The following RAPGEF1 variants were observed in gnomAD, a reference collection of about 807,000 sequenced individuals.
The protein encoded by RAPGEF1 is CRK SH3-binding GNRP.
Under a neutral mutation model 143.3 loss-of-function variants are expected in RAPGEF1, and 33 were observed. The ratio of observed to expected loss-of-function variants is 0.23; its 90% CI spans 0.17 to 0.31. The LOEUF is 0.31. Ranked by LOEUF, RAPGEF1 falls within the 10% of genes least tolerant of loss-of-function variation. The pLI is 1.00. For synonymous variants in RAPGEF1, 629 were observed against 676.5 expected (o/e 0.93, Z 1.09); for missense variants, 1,199 against 1,645.4 (o/e 0.73, Z 4.69).
intron 1 of RAPGEF1, among the ~76,000 whole-genome samples, chr9:131,688,885 G>A (rs1363509607): frequency 1.3e-5 from 2 of 152,200 alleles, no homozygotes; most frequent in Admixed American, 6.5e-5. Flanking sequence ...GCCATAGAAC[G>A]AAACTTCGTC....
At chr9:131,638,381 C>T (rs1235862897) in intron 5 of RAPGEF1, among the ~76,000 whole-genome samples, 5 of 152,298 alleles carry the variant, frequency 3.3e-5, no homozygotes, top group South Asian at 2.1e-4. Context: ...TCAGCCAGCA[C>T]GATGCTACGA....
intron 1 of RAPGEF1, among the ~76,000 whole-genome samples, chr9:131,726,515 A>G (rs909418794): frequency 1.3e-5 from 2 of 152,006 alleles, no homozygotes; most frequent in African/African-American, 4.8e-5. Context: ...AATCCCAGCT[A>G]CTTGGGAGGC....
chr9:131,648,202 C>A (rs774931352), intron 3 of RAPGEF1, among the ~76,000 whole-genome samples: 5 of 152,134 alleles, frequency 3.3e-5, no homozygotes, highest in Non-Finnish European at 5.9e-5. Flanking sequence ...CCAGCCTGGC[C>A]AACATGGCAA....
intron 22 of RAPGEF1, among the ~76,000 whole-genome samples, chr9:131,586,912 C>T (rs1339116340): frequency 4.9e-5 from 4 of 81,500 alleles, no homozygotes; most frequent in Admixed American, 1.4e-4. Context: ...ACCTGCAGAG[C>T]GAGACTCCGT....
intron 1 of RAPGEF1, among the ~76,000 whole-genome samples, chr9:131,730,119 G>A (rs551376991): frequency 9.5e-4 from 141 of 148,518 alleles, no homozygotes; most frequent in Non-Finnish European, 1.8e-3. Flanking sequence ...GCGTGAACCC[G>A]GGAGGTGGAG....
At position 131,597,465 on chromosome 9, in the gene RAPGEF1, G is replaced by A. The variant is rs141809933; in HGVS notation, c.2613+734C>T. 8.5e-5 allele frequency among the ~76,000 whole-genome samples: 13 copies of A among 152,326 alleles called. No individual in the cohort carries two copies. In the East Asian group the frequency reaches 1.3e-3, roughly 16 times the overall value. On this transcript the variant is annotated intron_variant, in intron 16 of 26. Coordinates refer to ENST00000683357, the MANE Select transcript of RAPGEF1 (RefSeq NM_001377935.1). ...CCAGCGCATCCTTGCCTGGGAGTGCGCAAAGGGCAGTATCTGCCCTTTTGT... is the reference window on the plus strand; with the variant it reads ...CCAGCGCATCCTTGCCTGGGAGTGCACAAAGGGCAGTATCTGCCCTTTTGT...
chr9:131,592,547 C>T (rs1286495659), intron 17 of RAPGEF1, among the ~76,000 whole-genome samples: 1 of 152,140 alleles, frequency 6.6e-6, no homozygotes, highest in Non-Finnish European at 1.5e-5. Flanking sequence ...CGAGTGACGC[C>T]TGCCCTAGGC....
chr9:131,579,718 T>A, intron 26 of RAPGEF1, 71 bp from the exon 27 acceptor site: 1 of 1,532,574 alleles, frequency 6.5e-7, no homozygotes. Context: ...GCCACCCTCC[T>A]GGAAGGTGCC....
intron 25 of RAPGEF1, among the ~76,000 whole-genome samples, chr9:131,582,182 G>A (rs1247357150): frequency 2.0e-5 from 3 of 152,158 alleles, no homozygotes; most frequent in East Asian, 1.9e-4. Context: ...CTGGGTGGCC[G>A]TGCATCCTCA....
chr9:131,694,833 A>G (rs1217107634), intron 1 of RAPGEF1, among the ~76,000 whole-genome samples: 1 of 146,152 alleles, frequency 6.8e-6, no homozygotes, highest in Non-Finnish European at 1.5e-5. Context: ...GTTTTAGGGT[A>G]CATGTGCACA....
intron 1 of RAPGEF1, among the ~76,000 whole-genome samples, chr9:131,735,656 C>A (rs1240524609): frequency 6.6e-6 from 1 of 151,694 alleles, no homozygotes; most frequent in African/African-American, 2.4e-5. Flanking sequence ...TGAATCATTT[C>A]TCCGAGGAGG....
At chr9:131,624,782 T>C (rs1962429395) in intron 10 of RAPGEF1, among the ~76,000 whole-genome samples, 1 of 152,344 alleles carries the variant, frequency 6.6e-6, no homozygotes, top group South Asian at 2.1e-4. Context: ...TGGTTTCTGA[T>C]GAGCAAATAT....
At chr9:131,610,934 T>G (rs1957943173) in intron 12 of RAPGEF1, among the ~76,000 whole-genome samples, 1 of 152,226 alleles carries the variant, frequency 6.6e-6, no homozygotes. Flanking sequence ...TCCTTGTTAC[T>G]CCATTTGGCA....
intron 5 of RAPGEF1, among the ~76,000 whole-genome samples, chr9:131,632,730 G>A (rs1965271779): frequency 6.6e-6 from 1 of 152,156 alleles, no homozygotes; most frequent in African/African-American, 2.4e-5. Flanking sequence ...AACAGTTCTA[G>A]GTGATATGCT....
In RAPGEF1 at chr9:131,650,026, CATA is replaced by C. The variant is rs1183647662; in HGVS notation, c.315+100_315+102del. 82 of 915,838 alleles carry C rather than the reference CATA, an allele frequency of 9.0e-5. 2 individuals carry two copies. 56.7% of individuals were successfully genotyped at this position (915,838 alleles called of 1,614,324 possible). On this transcript the variant is annotated intron_variant, in intron 3 of 26. Transcript: ENST00000683357. The surrounding 1 kb of genome is among the most constrained non-coding windows in gnomAD (Gnocchi z 4.7). ...AGCCCACGGTCACCACCCAGTTGAA[CATA>C]ATAATAGTGCAATAGAGTTTTTTCC...
At chr9:131,726,760 T>C (rs1490317990) in intron 1 of RAPGEF1, among the ~76,000 whole-genome samples, 3 of 151,966 alleles carry the variant, frequency 2.0e-5, no homozygotes, top group African/African-American at 7.3e-5. Context: ...GTAGTGGTTA[T>C]GCAAATCTAC....
intron 1 of RAPGEF1, among the ~76,000 whole-genome samples, chr9:131,684,904 A>G (rs779117140): frequency 2.0e-5 from 3 of 152,180 alleles, no homozygotes; most frequent in Non-Finnish European, 2.9e-5. Flanking sequence ...GAGGACCCCA[A>G]CTGTCATGAG....
rs1215523370 is a variant in RAPGEF1, at chr9:131,628,851, A to G, written c.894-179T>C. ...TAAAACCTGTAAATACCAAATGAAC[A>G]AAAAAGAACAACCCTTTCTTTTTCT... is the stretch of plus-strand genomic sequence containing the variant. On this transcript the variant is annotated intron_variant, in intron 7 of 26. Coordinates refer to ENST00000683357, the MANE Select transcript of RAPGEF1 (RefSeq NM_001377935.1). This position sits in a 1 kb window ranked among gnomAD's most constrained non-coding sequence, Gnocchi z 5.7. Among the ~76,000 whole-genome samples the G allele has an allele frequency of 2.0e-5, 3 of 152,230 alleles. No individual in the cohort carries two copies. Among genetic ancestry groups the G allele is most frequent in the Non-Finnish European group, 4.4e-5 (3 of 68,036 alleles).
chr9:131,708,975 C>T (rs1032487452), intron 1 of RAPGEF1, among the ~76,000 whole-genome samples: 4 of 152,160 alleles, frequency 2.6e-5, no homozygotes, highest in Non-Finnish European at 5.9e-5. Flanking sequence ...TCAAGTGATC[C>T]GCCTACCTTG....
Sources: allele counts gnomAD v4.1 joint callset (sites outside exome capture counted in the v4.1 genomes callset), GRCh38; gene constraint gnomAD v4.1.1; non-coding constraint Gnocchi (gnomAD v3.1); transcripts MANE v1.5; gene names NCBI Gene and HGNC (gene_info 2026-07-23, HGNC 2026-07-21).